The following DHRSX variants were observed in gnomAD, a reference collection of about 807,000 sequenced individuals.
DHRSX encodes the protein polyprenol dehydrogenase.
In DHRSX, 31 loss-of-function variants were observed where a neutral mutation model predicts 34.0. The ratio of observed to expected loss-of-function variants is 0.91; its 90% CI spans 0.69 to 1.23. The LOEUF is 1.23. Ranked by LOEUF, DHRSX falls within the 50% of genes most tolerant of loss-of-function variation. DHRSX has a pLI of 0.00. For missense variants in DHRSX, 414 were observed against 428.1 expected, an observed-to-expected ratio of 0.97 and a Z score of 0.29; for synonymous variants, 201 against 183.8, an observed-to-expected ratio of 1.09 and a Z score of -0.76.
chrX:2,236,841 G>T (rs2016026857), intron 6 of DHRSX, among the ~76,000 whole-genome samples: 1 of 150,648 alleles, frequency 6.6e-6, no homozygotes, highest in Non-Finnish European at 1.5e-5. Context: ...GTCCCCAGGG[G>T]AAATAGAAGG....
intron 3 of DHRSX, among the ~76,000 whole-genome samples, chrX:2,322,493 G>A (rs964598326): frequency 6.7e-6 from 1 of 149,542 alleles, no homozygotes; most frequent in Non-Finnish European, 1.5e-5. Flanking sequence ...AGGCTGTACT[G>A]AGCAGAGATC....
intron 3 of DHRSX, among the ~76,000 whole-genome samples, chrX:2,339,434 C>T (rs187547260): frequency 2.0e-5 from 3 of 152,094 alleles, no homozygotes; most frequent in East Asian, 3.9e-4. Flanking sequence ...CCACCACATC[C>T]GATCACGAGT....
chrX:2,465,185 A>G (rs1412525866), intron 1 of DHRSX, among the ~76,000 whole-genome samples: 1 of 152,138 alleles, frequency 6.6e-6, no homozygotes, highest in African/African-American at 2.4e-5. Context: ...GTTCCCTAAT[A>G]CAAAAGCTAA....
chrX:2,426,292 A>C (rs1182331696), intron 1 of DHRSX, among the ~76,000 whole-genome samples: 1 of 152,120 alleles, frequency 6.6e-6, no homozygotes, highest in African/African-American at 2.4e-5. Context: ...AGTGATCCAC[A>C]TTTTGAGGGA....
intron 1 of DHRSX, among the ~76,000 whole-genome samples, chrX:2,483,339 C>T (rs1443032100): frequency 6.6e-6 from 1 of 152,160 alleles, no homozygotes; most frequent in Non-Finnish European, 1.5e-5. Context: ...TCACAGCTCA[C>T]TGCAGCCTCC....
At chrX:2,258,765 G>C (rs2041314956) in intron 5 of DHRSX, among the ~76,000 whole-genome samples, 1 of 152,216 alleles carries the variant, frequency 6.6e-6, no homozygotes, top group Non-Finnish European at 1.5e-5. Context: ...TTTGGAAAGA[G>C]TCAGTGCCGT....
intron 1 of DHRSX, among the ~76,000 whole-genome samples, chrX:2,478,920 T>G (rs2044725126): frequency 6.7e-6 from 1 of 149,844 alleles, no homozygotes; most frequent in Non-Finnish European, 1.5e-5. Context: ...ACCACCGCCA[T>G]GTACGCACTG....
chrX:2,455,664 C>T (rs2044285056), intron 1 of DHRSX, among the ~76,000 whole-genome samples: 1 of 149,638 alleles, frequency 6.7e-6, no homozygotes, highest in South Asian at 2.1e-4. Flanking sequence ...TCCCGTGAAC[C>T]CTGGAGACGG....
chrX:2,458,491 G>C (rs894794796), intron 1 of DHRSX, among the ~76,000 whole-genome samples: 3 of 152,160 alleles, frequency 2.0e-5, no homozygotes, highest in Admixed American at 6.6e-5. Flanking sequence ...CAATGGAATG[G>C]TATGCAGCCA....
At chrX:2,414,898 C>T (rs2043674713) in intron 2 of DHRSX, among the ~76,000 whole-genome samples, 1 of 151,726 alleles carries the variant, frequency 6.6e-6, no homozygotes, top group Admixed American at 6.6e-5. Flanking sequence ...ATGACCAATC[C>T]CACTAGACCT....
intron 3 of DHRSX, among the ~76,000 whole-genome samples, chrX:2,331,646 C>T (rs112612789): frequency 0.1 from 15,602 of 151,728 alleles, 2,421 homozygotes; most frequent in African/African-American, 0.34. Context: ...GATGGGGTTT[C>T]ACCATGTTGG....
At chrX:2,419,704 A>G (rs1212308688) in intron 2 of DHRSX, among the ~76,000 whole-genome samples, 1 of 151,654 alleles carries the variant, frequency 6.6e-6, no homozygotes, top group African/African-American at 2.4e-5. Context: ...CATTCTCAGC[A>G]AACTATCGCA....
chrX:2,367,137 C>T (rs2043003101), intron 3 of DHRSX, among the ~76,000 whole-genome samples: 1 of 152,040 alleles, frequency 6.6e-6, no homozygotes, highest in African/African-American at 2.4e-5. Context: ...CACATGGCTT[C>T]AGCAAATACA....
intron 5 of DHRSX, among the ~76,000 whole-genome samples, chrX:2,264,646 AACATCTGTGCCCAGC>A (rs2124459024): frequency 6.8e-6 from 1 of 147,906 alleles, no homozygotes; most frequent in East Asian, 2.1e-4. Context: ...TCGTGCCCAG[AACATCTGTGCCCAGC>A]AGATCCAGGG....
At chrX:2,345,857 C>G (rs756412277) in intron 3 of DHRSX, among the ~76,000 whole-genome samples, 34 of 152,258 alleles carry the variant, frequency 2.2e-4, no homozygotes, top group African/African-American at 7.7e-4. Flanking sequence ...CTCCAGCTGG[C>G]TGGTCTACCC....
chrX:2,352,872 C>G (rs2042804904), intron 3 of DHRSX, among the ~76,000 whole-genome samples: 1 of 152,136 alleles, frequency 6.6e-6, no homozygotes, highest in African/African-American at 2.4e-5. Context: ...GCTTAAGCCA[C>G]AAAACTTCAA....
chrX:2,358,563 G>C (rs944312051), intron 3 of DHRSX, among the ~76,000 whole-genome samples: 2 of 152,112 alleles, frequency 1.3e-5, no homozygotes, highest in African/African-American at 4.8e-5. Context: ...GCCAGGCATG[G>C]TGGCGGGGTT....
intron 3 of DHRSX, among the ~76,000 whole-genome samples, chrX:2,365,097 T>C (rs1240395896): frequency 2.6e-5 from 4 of 152,122 alleles, no homozygotes; most frequent in East Asian, 3.9e-4. Flanking sequence ...AATTGACAAA[T>C]GAGATCTCAT....
At chrX:2,283,044 G>A (rs781424916) in intron 4 of DHRSX, among the ~76,000 whole-genome samples, 13 of 151,814 alleles carry the variant, frequency 8.6e-5, no homozygotes, top group Middle Eastern at 3.4e-3. Flanking sequence ...AAGGAGGAGA[G>A]AGAGACAGAG....
Sources: gnomAD v4.1 joint callset for allele counts (sites outside exome capture counted in the v4.1 genomes callset) on GRCh38, gnomAD v4.1.1 for gene constraint, MANE v1.5 for transcripts, NCBI Gene and HGNC (gene_info 2026-07-23, HGNC 2026-07-21) for gene names.